Variants in ERICH6B observed in about 807,000 individuals in gnomAD.
ERICH6B encodes glutamate rich 6B.
Under a neutral mutation model 80.0 loss-of-function variants are expected in ERICH6B, and 69 were observed. The ratio of observed to expected loss-of-function variants is 0.86; its 90% CI spans 0.71 to 1.05. The LOEUF (loss-of-function observed/expected upper bound fraction) is 1.05, where lower values mean the gene tolerates loss of function less well. ERICH6B is among the 50% of genes least tolerant of loss of function. The probability of loss-of-function intolerance (pLI) is 0.00; values close to 1 mark genes in which losing one functional copy is unlikely to be tolerated. For missense variants in ERICH6B, 754 were observed against 796.1 expected, an observed-to-expected ratio of 0.95 and a Z score of 0.64; for synonymous variants, 283 against 291.9, an observed-to-expected ratio of 0.97 and a Z score of 0.31.
intron 10 of ERICH6B, among the ~76,000 whole-genome samples, chr13:45,563,082 A>G (rs1289131224): frequency 6.6e-6 from 1 of 152,240 alleles, no homozygotes; most frequent in Non-Finnish European, 1.5e-5. Context: ...GAAGCCTTCC[A>G]TGATTAGATC....
chr13:45,601,816 C>A (rs1949829209), intron 2 of ERICH6B, among the ~76,000 whole-genome samples: 1 of 152,192 alleles, frequency 6.6e-6, no homozygotes, highest in South Asian at 2.1e-4. Flanking sequence ...ACTTGATACC[C>A]AGTGTCTGGG....
chr13:45,548,790 C>T (rs2137959681), intron 13 of ERICH6B, among the ~76,000 whole-genome samples: 1 of 152,294 alleles, frequency 6.6e-6, no homozygotes, highest in Middle Eastern at 3.4e-3. Context: ...CACTCTTGGA[C>T]AGCATTTTCT....
At chr13:45,553,257 T>C (rs1379434242) in intron 11 of ERICH6B, 1 of 170,406 alleles carries the variant, frequency 5.9e-6, no homozygotes, top group African/African-American at 2.4e-5. Flanking sequence ...GTTAGTTAAG[T>C]GCTGATTCTC....
intron 11 of ERICH6B, among the ~76,000 whole-genome samples, chr13:45,554,589 A>G (rs904989294): frequency 6.6e-6 from 1 of 152,258 alleles, no homozygotes; most frequent in Non-Finnish European, 1.5e-5. Flanking sequence ...AACCCCATGG[A>G]CAAAGCAAAA....
In ERICH6B at chr13:45,596,323, A is replaced by C. The variant is rs112956030; in HGVS notation, c.637+46T>G. 1.6e-4 allele frequency: 236 copies of C among 1,507,470 alleles called. 2 individuals carry two copies. The African/African-American group carries it at 2.8e-3, about 18-fold the overall frequency. 93.4% of individuals were successfully genotyped at this position (1,507,470 alleles called of 1,614,324 possible). ...CTTCATCCAACCTTCTTTCCCTTTC[A>C]GATACTTTTCCTCCCATAGATGCTC... is the stretch of plus-strand genomic sequence containing the variant. On this transcript the variant is annotated intron_variant, in intron 3 of 14. Coordinates refer to ENST00000298738, the MANE Select transcript of ERICH6B (RefSeq NM_182542.3).
At chr13:45,604,294 C>T (rs986136997) in intron 2 of ERICH6B, among the ~76,000 whole-genome samples, 4 of 152,248 alleles carry the variant, frequency 2.6e-5, no homozygotes, top group Non-Finnish European at 5.9e-5. Context: ...GACTGCTAGC[C>T]GTTTCCAGTT....
chr13:45,575,429 C>T (rs1269921369), intron 7 of ERICH6B, among the ~76,000 whole-genome samples: 2 of 151,988 alleles, frequency 1.3e-5, no homozygotes. Context: ...AGAGAGGAGT[C>T]GGGCGAGTGA....
At chr13:45,579,997 A>G in intron 6 of ERICH6B, 23 bp from the exon 7 acceptor site, 1 of 1,492,834 alleles carries the variant, frequency 6.7e-7, no homozygotes, top group Non-Finnish European at 9.0e-7. Context: ...AAGAAAAATT[A>G]TTAACAGGAT....
intron 6 of ERICH6B, 79 bp downstream of exon 6, chr13:45,580,524 G>T: frequency 6.9e-7 from 1 of 1,444,656 alleles, no homozygotes; most frequent in Non-Finnish European, 9.5e-7. Context: ...GCTGGGGGCA[G>T]GCTAATTCTG....
chr13:45,584,483 T>C (rs1875813322), intron 5 of ERICH6B, among the ~76,000 whole-genome samples: 1 of 152,194 alleles, frequency 6.6e-6, no homozygotes, highest in East Asian at 1.9e-4. Context: ...CATAATAAAA[T>C]CATGCTTTGG....
intron 4 of ERICH6B, 89 bp from the exon 5 acceptor site, chr13:45,587,321 C>T: frequency 8.5e-7 from 1 of 1,173,940 alleles, no homozygotes; most frequent in Non-Finnish European, 1.2e-6. Flanking sequence ...TGAGGGGGTG[C>T]TCTTGATGTC....
intron 8 of ERICH6B, among the ~76,000 whole-genome samples, chr13:45,574,487 G>T (rs1266761054): frequency 6.6e-6 from 1 of 152,180 alleles, no homozygotes; most frequent in Non-Finnish European, 1.5e-5. Context: ...GGCTGGTTCT[G>T]TGTCTCTCTG....
At chr13:45,601,514 T>C (rs1949827599) in intron 2 of ERICH6B, among the ~76,000 whole-genome samples, 1 of 152,174 alleles carries the variant, frequency 6.6e-6, no homozygotes, top group Admixed American at 6.5e-5. Flanking sequence ...GGCCACTCCA[T>C]CAAAGGCTTA....
At chr13:45,587,334 G>A in intron 4 of ERICH6B, 102 bp from the exon 5 acceptor site, 1 of 957,654 alleles carries the variant, frequency 1.0e-6, no homozygotes, top group South Asian at 1.7e-5. Context: ...TTGATGTCCA[G>A]ACCCAGATGA....
intron 1 of ERICH6B, among the ~76,000 whole-genome samples, chr13:45,610,857 G>GTGTGTGTGTA (rs147422113): frequency 8.7e-4 from 128 of 147,038 alleles, no homozygotes; most frequent in African/African-American, 2.7e-3. Context: ...GTGTGTGTGT[G>GTGTGTGTGTA]TATATATATA....
chr13:45,565,596 A>AGTCTC (rs1161654748), intron 9 of ERICH6B, among the ~76,000 whole-genome samples: 1 of 152,164 alleles, frequency 6.6e-6, no homozygotes, highest in Non-Finnish European at 1.5e-5. Flanking sequence ...ATAGTGAAAA[A>AGTCTC]GTCTCATGAG....
At chr13:45,589,175 A>G (rs1876053629) in intron 4 of ERICH6B, among the ~76,000 whole-genome samples, 1 of 152,140 alleles carries the variant, frequency 6.6e-6, no homozygotes, top group African/African-American at 2.4e-5. Context: ...TTTCTCATGT[A>G]AAGAATATCC....
At chr13:45,611,332 A>G (rs945362430) in intron 1 of ERICH6B, among the ~76,000 whole-genome samples, 1 of 152,246 alleles carries the variant, frequency 6.6e-6, no homozygotes, top group African/African-American at 2.4e-5. Flanking sequence ...GGGATTAAAC[A>G]GAGCTTTCTT....
At chr13:45,558,526 T>A (rs1874530903) in intron 11 of ERICH6B, among the ~76,000 whole-genome samples, 1 of 152,206 alleles carries the variant, frequency 6.6e-6, no homozygotes, top group Non-Finnish European at 1.5e-5. Context: ...TCAGAGGGAA[T>A]GCTTTCAACC....
Sources: allele counts gnomAD v4.1 joint callset (sites outside exome capture counted in the v4.1 genomes callset), GRCh38; gene constraint gnomAD v4.1.1; transcripts MANE v1.5; gene names NCBI Gene and HGNC (gene_info 2026-07-23, HGNC 2026-07-21).